Variants in CBX8 observed in about 807,000 individuals in gnomAD.
The protein encoded by CBX8 is chromobox 8, also known as chromobox protein homolog 8.
Under a neutral mutation model 39.7 loss-of-function variants are expected in CBX8, and 8 were observed. That is an observed-to-expected ratio of 0.20 (90% confidence interval 0.12 to 0.36). The LOEUF (loss-of-function observed/expected upper bound fraction) is 0.36. CBX8 is among the 10% of genes least tolerant of loss of function. The pLI is 1.00. For synonymous variants in CBX8, 268 were observed against 219.8 expected (o/e 1.22, Z -1.94); for missense variants, 505 against 529.6 (o/e 0.95, Z 0.46).
rs1908072194 is a variant in CBX8 at position 79,795,971 on chromosome 17, A to AC, written c.246+85dup. On this transcript the variant is annotated intron_variant, in intron 4 of 4. Coordinates refer to ENST00000269385, the MANE Select transcript of CBX8 (RefSeq NM_020649.3). The surrounding 1 kb of genome is among the most constrained non-coding windows in gnomAD (Gnocchi z 5.8). ...TTACAAATAGGCAACATGTGTGGACACCCCATTGGCTCACAGCCCTCAGAG... is the reference window on the plus strand; with the variant it reads ...TTACAAATAGGCAACATGTGTGGACACCCCCATTGGCTCACAGCCCTCAGAG... 8.4e-7 allele frequency: 1 copy of AC among 1,184,484 alleles called. No homozygotes were observed. The highest frequency in any genetic ancestry group is 1.5e-5 in the African/African-American group (1 of 65,600). The allele number at this position is 1,184,484 out of a possible 1,614,324, so 73.4% of individuals were successfully genotyped here. A position where few individuals can be genotyped will look rare whatever the true frequency, so the allele number is the denominator to read the frequency against.
At position 79,794,848 on chromosome 17, in the gene CBX8, G is replaced by C; in HGVS notation, c.957C>G (p.Gly319=). 6.2e-7 allele frequency: 1 copy of C among 1,606,738 alleles called. No individual in the cohort carries two copies. The change falls in exon 5 of 5, where the codon GGC becomes GGG. Residue 319 remains glycine (G), a synonymous_variant. Transcript: ENST00000269385. ...CCTGGGCCCCCATGTCCCGGTACAG[G>C]CCCCCCCCAGAGCTGGGGGGGCCTG... The part of the protein sequence containing the change: ...HGSGPPSSGG[G]LYRDMGAQGG...
chr17:79,792,947 G>A lies in CBX8; in HGVS notation c.*1688C>T, dbSNP rs1322684159. 1 of 145,134 alleles carries A rather than the reference G, an allele frequency of 6.9e-6. No individual in the cohort carries two copies. Among genetic ancestry groups the A allele is most frequent in the Non-Finnish European group, 1.5e-5 (1 of 66,678 alleles). 9.0% of individuals were successfully genotyped at this position (145,134 alleles called of 1,614,324 possible). On this transcript the variant is annotated 3_prime_UTR_variant, in exon 5 of 5. Coordinates refer to ENST00000269385, the MANE Select transcript of CBX8 (RefSeq NM_020649.3). ...CTCCCCCCGAGTCTGTGCTTCCTCT[G>A]GCGTGCAGGGCCCCCGCGCCCCTCC...
rs376105484 is a variant in CBX8, at chr17:79,795,510, C to T, written c.295G>A (p.Ala99Thr). ...AKTYEFRSDS[A>T]RGIRIPYPGR... ...GGGTAGGGGATCCGGATGCCCCTGGCTGAGTCACTTCGAAACTCGTAAGTT... is the reference window on the plus strand; with the variant it reads ...GGGTAGGGGATCCGGATGCCCCTGGTTGAGTCACTTCGAAACTCGTAAGTT... Residue 99 changes from alanine (A) to threonine (T), a missense_variant, in exon 5 of 5, where the codon GCC (alanine) becomes ACC (threonine). Physicochemically the swap from Ala to Thr is moderately conservative, Grantham distance 58. Coordinates refer to ENST00000269385, the MANE Select transcript of CBX8 (RefSeq NM_020649.3). The surrounding 1 kb of genome is among the most constrained non-coding windows in gnomAD (Gnocchi z 5.8). The T allele has an allele frequency of 3.9e-5, 60 of 1,546,432 alleles. No individual in the cohort carries two copies. The highest frequency in any genetic ancestry group is 5.0e-5 in the Non-Finnish European group (57 of 1,148,782).
rs1425099955 is a variant in CBX8, at chr17:79,792,784, C to T, written c.*1851G>A. On this transcript the variant is annotated 3_prime_UTR_variant, in exon 5 of 5. Transcript: ENST00000269385. ...AACACAATCATGTAGTACACCGTTTCCCTCCTTTTCTCTCTTTAAAGGCAA... is the reference window on the plus strand; with the variant it reads ...AACACAATCATGTAGTACACCGTTTTCCTCCTTTTCTCTCTTTAAAGGCAA... 6.6e-6 allele frequency: 1 copy of T among 152,246 alleles called. No homozygotes were observed. The highest frequency in any genetic ancestry group is 1.5e-5 in the Non-Finnish European group (1 of 68,050). The allele number at this position is 152,246 out of a possible 1,614,324, so 9.4% of individuals were successfully genotyped here.
chr17:79,794,799 T>C lies in CBX8; in HGVS notation c.1006A>G (p.Arg336Gly). 6.2e-7 allele frequency: 1 copy of C among 1,612,908 alleles called. No individual in the cohort carries two copies. Among genetic ancestry groups the C allele is most frequent in the Non-Finnish European group, 8.5e-7 (1 of 1,179,388 alleles). The change falls in exon 5 of 5, where the codon AGG becomes GGG. Residue 336 changes from arginine (R) to glycine (G), a missense_variant. Coordinates refer to ENST00000269385, the MANE Select transcript of CBX8 (RefSeq NM_020649.3). ...CCCAGGATTCTGGCCACAGGGATCCTGGCGATGAGGGAGGGCCTTCCCCCC... is the reference window on the plus strand; with the variant it reads ...CCCAGGATTCTGGCCACAGGGATCCCGGCGATGAGGGAGGGCCTTCCCCCC... ...AQGGRPSLIA[R>G]IPVARILGDP...
rs1907945933 is a variant in CBX8, at chr17:79,793,334, A to G, written c.*1301T>C. The G allele has an allele frequency of 6.6e-6, 1 of 152,212 alleles. No individual in the cohort carries two copies. Among genetic ancestry groups the G allele is most frequent in the Non-Finnish European group, 1.5e-5 (1 of 68,036 alleles). The allele number at this position is 152,212 out of a possible 1,614,324, so 9.4% of individuals were successfully genotyped here. Reference sequence around the variant, plus strand: ...TTTGCTTTTAAGAAGGACGGGGGAAAAAAAAGGAAAAAGCAAAAGTTCCGA... The same window carrying G: ...TTTGCTTTTAAGAAGGACGGGGGAAGAAAAAGGAAAAAGCAAAAGTTCCGA... On this transcript the variant is annotated 3_prime_UTR_variant, in exon 5 of 5. Transcript: ENST00000269385.
At position 79,795,145 on chromosome 17, in the gene CBX8, G is replaced by C. The variant is rs201171761; in HGVS notation, c.660C>G (p.Ala220=). The change falls in exon 5 of 5, where the codon GCC becomes GCG. Residue 220 remains alanine, a synonymous_variant. Coordinates refer to ENST00000269385, the MANE Select transcript of CBX8 (RefSeq NM_020649.3). This position sits in a 1 kb window ranked among gnomAD's most constrained non-coding sequence, Gnocchi z 5.8. ...PSQRPLGEPS[A]GLGEYLKGRK... Reference sequence around the variant, plus strand: ...TGCCCTTGAGGTACTCTCCGAGGCCGGCGCTGGGTTCGCCTAAGGGCCTCT... The same window carrying C: ...TGCCCTTGAGGTACTCTCCGAGGCCCGCGCTGGGTTCGCCTAAGGGCCTCT... 1.2e-6 allele frequency: 2 copies of C among 1,613,652 alleles called. No individual in the cohort carries two copies. Among genetic ancestry groups the C allele is most frequent in the South Asian group, 1.1e-5 (1 of 90,946 alleles).
rs1345082799 is a variant in CBX8 at position 79,794,487 on chromosome 17, G to T, written c.*148C>A. 1.9e-6 allele frequency: 1 copy of T among 530,978 alleles called. No homozygotes were observed. The highest frequency in any genetic ancestry group is 2.8e-5 in the Admixed American group (1 of 35,296). 32.9% of individuals were successfully genotyped at this position (530,978 alleles called of 1,614,324 possible). A position where few individuals can be genotyped will look rare whatever the true frequency, so the allele number is the denominator to read the frequency against. ...TCCAACAAAAACTGAGGGGGAGGAA[G>T]GAGGGATGAAAGGGGCTGGTGGGGT... On this transcript the variant is annotated 3_prime_UTR_variant, in exon 5 of 5. Coordinates refer to ENST00000269385, the MANE Select transcript of CBX8 (RefSeq NM_020649.3).
chr17:79,796,374 G>GGTGGGT (rs1908091487), intron 2 of CBX8, 59 bp from the exon 3 acceptor site: 2 of 1,565,338 alleles, frequency 1.3e-6, no homozygotes, highest in Non-Finnish European at 1.8e-6. Flanking sequence ...GAGCAGAGGG[G>GGTGGGT]GTGTGTGTGT....
rs766337951 is a variant in CBX8 at position 79,795,288 on chromosome 17, C to G, written c.517G>C (p.Glu173Gln). 4 of 1,597,956 alleles carry G rather than the reference C, an allele frequency of 2.5e-6. No homozygotes were observed. Among genetic ancestry groups the G allele is most frequent in the Non-Finnish European group, 3.4e-6 (4 of 1,172,180 alleles). Reference sequence around the variant, plus strand: ...CCCCGCTCTCGTTCCCTCTCACGTTCCCGCTCCCTCTCTCGCTCCCTCTCC... The same window carrying G: ...CCCCGCTCTCGTTCCCTCTCACGTTGCCGCTCCCTCTCTCGCTCCCTCTCC... ...ERERERERER[E>Q]RERERERGTS... Residue 173 changes from glutamate (E) to glutamine (Q), a missense_variant, in exon 5 of 5, where the codon GAA becomes CAA. Coordinates refer to ENST00000269385, the MANE Select transcript of CBX8 (RefSeq NM_020649.3). The surrounding 1 kb of genome is among the most constrained non-coding windows in gnomAD (Gnocchi z 5.8).
In CBX8 at chr17:79,795,775, G is replaced by A. The variant is rs1299148123; in HGVS notation, c.247-217C>T. 6.6e-6 allele frequency among the ~76,000 whole-genome samples: 1 copy of A among 152,186 alleles called. No homozygotes were observed. The highest frequency in any genetic ancestry group is 1.5e-5 in the Non-Finnish European group (1 of 68,020). On this transcript the variant is annotated intron_variant, in intron 4 of 4. Coordinates refer to ENST00000269385, the MANE Select transcript of CBX8 (RefSeq NM_020649.3). This position sits in a 1 kb window ranked among gnomAD's most constrained non-coding sequence, Gnocchi z 5.8. ...TAGAAGGATGAGAGAAGAGGTAGAA[G>A]ATTTGGCTGGAAGTAGTCATTTGCA...
In CBX8 at chr17:79,794,683, G is replaced by A; in HGVS notation, c.1122C>T (p.Thr374=). The change falls in exon 5 of 5, where the codon ACC becomes ACT. Residue 374 remains threonine, a synonymous_variant. Coordinates refer to ENST00000269385, the MANE Select transcript of CBX8 (RefSeq NM_020649.3). ...CTTGGTCCGTGTTACTTTCCTTAAT[G>A]GTGACGGTCAAAAAGTTTGAGGTCA... is the stretch of plus-strand genomic sequence containing the variant. The part of the protein sequence containing the change: ...TDVTSNFLTV[T]IKESNTDQGF... 1.3e-6 allele frequency: 2 copies of A among 1,595,726 alleles called. No individual in the cohort carries two copies. The highest frequency in any genetic ancestry group is 1.7e-6 in the Non-Finnish European group (2 of 1,174,466).
Position 79,794,575 on chromosome 17 carries a change from T to G in CBX8, c.*60A>C. On this transcript the variant is annotated 3_prime_UTR_variant, in exon 5 of 5. Transcript: ENST00000269385. ...CATCCCACCCAGAAATAAAAATCACTATGCCAAGCTCACGCTCACTCTCTC... is the reference window on the plus strand; with the variant it reads ...CATCCCACCCAGAAATAAAAATCACGATGCCAAGCTCACGCTCACTCTCTC... 7.6e-7 allele frequency: 1 copy of G among 1,324,316 alleles called. No individual in the cohort carries two copies. The highest frequency in any genetic ancestry group is 1.0e-6 in the Non-Finnish European group (1 of 968,588). 82.0% of individuals were successfully genotyped at this position (1,324,316 alleles called of 1,614,324 possible). A position where few individuals can be genotyped will look rare whatever the true frequency, so the allele number is the denominator to read the frequency against.
At chr17:79,796,346 G>A (rs749170660) in intron 2 of CBX8, 31 bp from the exon 3 acceptor site, 3 of 1,611,760 alleles carry the variant, frequency 1.9e-6, no homozygotes, top group African/African-American at 2.7e-5. Flanking sequence ...GTGGGCATCA[G>A]TCCCAGGAGC....
In CBX8 at chr17:79,795,145, G is replaced by A. The variant is rs201171761; in HGVS notation, c.660C>T (p.Ala220=). The A allele has an allele frequency of 6.2e-6, 10 of 1,613,650 alleles. No homozygotes were observed. The highest frequency in any genetic ancestry group is 2.2e-5 in the East Asian group (1 of 44,852). ...PSQRPLGEPS[A]GLGEYLKGRK... is the part of the protein sequence containing the mutation. ...TGCCCTTGAGGTACTCTCCGAGGCC[G>A]GCGCTGGGTTCGCCTAAGGGCCTCT... The change falls in exon 5 of 5, where the codon GCC becomes GCT. Residue 220 remains alanine, a synonymous_variant. Transcript: ENST00000269385. This position sits in a 1 kb window ranked among gnomAD's most constrained non-coding sequence, Gnocchi z 5.8.
Position 79,796,906 on chromosome 17 carries a change from G to C in CBX8, c.69+24C>G, listed in dbSNP as rs758466068. 1.5e-5 allele frequency: 24 copies of C among 1,592,584 alleles called. No individual in the cohort carries two copies. In the South Asian group the frequency reaches 2.6e-4, roughly 17 times the overall value. On this transcript the variant is annotated intron_variant, in intron 1 of 4. Coordinates refer to ENST00000269385, the MANE Select transcript of CBX8 (RefSeq NM_020649.3). ...GGAGGGGAGGGCCCGGCCGCACGGA[G>C]GCCCTAGGCCCGGGGGCACCTACTT...
Position 79,795,492 on chromosome 17 carries a change from G to A in CBX8, c.313C>T (p.Pro105Ser), listed in dbSNP as rs1486101751. ...RSDSARGIRIPYPGRSPQDLA... is the reference protein window; with the variant it reads ...RSDSARGIRISYPGRSPQDLA... ...TCCTGGGGCGAGCGGCCAGGGTAGG[G>A]GATCCGGATGCCCCTGGCTGAGTCA... The change falls in exon 5 of 5, where the codon CCC (proline) becomes TCC (serine). Residue 105 changes from proline to serine, a missense_variant. Around this residue, in one of 3 missense-constraint regions of CBX8, gnomAD observed 456 missense variants for 389.2 expected, o/e 1.17. Transcript: ENST00000269385. This position sits in a 1 kb window ranked among gnomAD's most constrained non-coding sequence, Gnocchi z 5.8. 1 of 1,570,742 alleles carries A rather than the reference G, an allele frequency of 6.4e-7. No individual in the cohort carries two copies. Among genetic ancestry groups the A allele is most frequent in the South Asian group, 1.2e-5 (1 of 84,602 alleles).
Position 79,794,536 on chromosome 17 carries a change from C to A in CBX8, c.*99G>T. On this transcript the variant is annotated 3_prime_UTR_variant, in exon 5 of 5. Coordinates refer to ENST00000269385, the MANE Select transcript of CBX8 (RefSeq NM_020649.3). Reference sequence around the variant, plus strand: ...GTGGGGGTGACATCAGGGACGGGACCAGCCAAAAGGCCACATCCCACCCAG... The same window carrying A: ...GTGGGGGTGACATCAGGGACGGGACAAGCCAAAAGGCCACATCCCACCCAG... The A allele has an allele frequency of 1.1e-6, 1 of 912,320 alleles. No individual in the cohort carries two copies. The highest frequency in any genetic ancestry group is 1.7e-6 in the Non-Finnish European group (1 of 603,700). The allele number at this position is 912,320 out of a possible 1,614,324, so 56.5% of individuals were successfully genotyped here.
At position 79,792,829 on chromosome 17, in the gene CBX8, T is replaced by TG. The variant is rs1276600380; in HGVS notation, c.*1805dup. On this transcript the variant is annotated 3_prime_UTR_variant, in exon 5 of 5. Coordinates refer to ENST00000269385, the MANE Select transcript of CBX8 (RefSeq NM_020649.3). ...AGGCAAGAAAGTCTGGAGGAGAGGC[T>TG]GAGAAGCCGGGAGTGCGGAGGACGA... 6.6e-6 allele frequency: 1 copy of TG among 152,212 alleles called. No individual in the cohort carries two copies. The highest frequency in any genetic ancestry group is 2.4e-5 in the African/African-American group (1 of 41,446). The allele number at this position is 152,212 out of a possible 1,614,324, so 9.4% of individuals were successfully genotyped here.
Sources: gnomAD v4.1 joint callset for allele counts (sites outside exome capture counted in the v4.1 genomes callset) on GRCh38, gnomAD v4.1.1 for gene constraint, gnomAD v4.1.1 regional missense constraint, Gnocchi (gnomAD v3.1) non-coding constraint, MANE v1.5 for transcripts, NCBI Gene and HGNC (gene_info 2026-07-23, HGNC 2026-07-21) for gene names.